SMAP2: variants seen among roughly 807,000 people sequenced by gnomAD.
SMAP2 encodes small ArfGAP2.
In SMAP2, 25 loss-of-function variants were observed where a neutral mutation model predicts 56.4. That is an observed-to-expected ratio of 0.44 (90% CI 0.32 to 0.62). SMAP2 has a LOEUF of 0.62. Among genes scored for constraint, SMAP2 ranks in the 20% least tolerant of loss-of-function variants. The pLI is 0.04. For missense variants in SMAP2, 388 were observed against 545.6 expected (o/e 0.71, Z 2.88); for synonymous variants, 157 against 181.7 (o/e 0.86, Z 1.09).
At chr1:40,357,484 A>G (rs986607316) in intron 1 of SMAP2, among the ~76,000 whole-genome samples, 1 of 151,982 alleles carries the variant, frequency 6.6e-6, no homozygotes, top group Non-Finnish European at 1.5e-5. Context: ...AAAAAAAAAA[A>G]AAGAAGGAAA....
rs141715570 is a variant in SMAP2 at position 40,349,036 on chromosome 1, C to T, written c.-83+4126C>T. On this transcript the variant is annotated intron_variant, in intron 1 of 6. Coordinates refer to the SMAP2 transcript ENST00000435168. ...CCACCTGCCTCGGCCTCCCAAAGTG[C>T]TGGGATTACGGGCGTAAGCCACCAT... is the stretch of plus-strand genomic sequence containing the variant. Among the ~76,000 whole-genome samples the T allele has an allele frequency of 9.4e-3, 1,434 of 152,302 alleles. 16 individuals carry two copies. Among genetic ancestry groups the T allele is most frequent in the African/African-American group, 0.033 (1,369 of 41,558 alleles).
intron 1 of SMAP2, 110 bp from the exon 2 acceptor site, chr1:40,406,626 A>G: frequency 7.9e-7 from 1 of 1,258,246 alleles, no homozygotes; most frequent in Non-Finnish European, 1.1e-6. Context: ...TGGTTATGGT[A>G]AAAATTATTT....
chr1:40,358,751 G>A (rs3013465), intron 1 of SMAP2, among the ~76,000 whole-genome samples: 27,178 of 152,172 alleles, frequency 0.18, 3,381 homozygotes, highest in African/African-American at 0.35. Context: ...GATTTTTAGT[G>A]CAGATTAAGT....
At chr1:40,350,693 C>T (rs1049279908) in intron 1 of SMAP2, among the ~76,000 whole-genome samples, 4 of 152,114 alleles carry the variant, frequency 2.6e-5, no homozygotes, top group African/African-American at 9.7e-5. Flanking sequence ...CTAGCAAGGG[C>T]CTCTTGTGTC....
chr1:40,356,087 T>C (rs1644434035), intron 1 of SMAP2, among the ~76,000 whole-genome samples: 1 of 152,218 alleles, frequency 6.6e-6, no homozygotes, highest in African/African-American at 2.4e-5. Flanking sequence ...CATGTGAAGT[T>C]TGTCTTTCTG....
At chr1:40,348,373 T>C (rs1644397664) in intron 1 of SMAP2, among the ~76,000 whole-genome samples, 1 of 152,100 alleles carries the variant, frequency 6.6e-6, no homozygotes, top group Admixed American at 6.6e-5. Context: ...CAGGGAGTAT[T>C]AAAAGTCTTT....
At chr1:40,406,050 A>G (rs1033871664) in intron 1 of SMAP2, among the ~76,000 whole-genome samples, 3 of 152,164 alleles carry the variant, frequency 2.0e-5, no homozygotes, top group African/African-American at 7.2e-5. Context: ...CACAGTTTCA[A>G]TTACAGGTTG....
chr1:40,410,666 G>T (rs987675503), intron 4 of SMAP2, among the ~76,000 whole-genome samples: 1 of 152,188 alleles, frequency 6.6e-6, no homozygotes, highest in Admixed American at 6.5e-5. Context: ...GCTACCAGTT[G>T]CCAAGAACAC....
chr1:40,419,515 C>A (rs995472565), intron 9 of SMAP2, among the ~76,000 whole-genome samples: 2 of 152,172 alleles, frequency 1.3e-5, no homozygotes, highest in African/African-American at 4.8e-5. Context: ...AAACTCCTGA[C>A]CTCAGGTGAT....
chr1:40,410,483 C>T (rs1284534214), intron 4 of SMAP2, among the ~76,000 whole-genome samples: 2 of 151,776 alleles, frequency 1.3e-5, no homozygotes, highest in Non-Finnish European at 2.9e-5. Flanking sequence ...TATATACACA[C>T]ATATATACTT....
In SMAP2 at chr1:40,386,046, A is replaced by AG. The variant is rs1472735380; in HGVS notation, c.103+11828dup. Among the ~76,000 whole-genome samples, 2 of 152,194 alleles carry AG rather than the reference A, an allele frequency of 1.3e-5. No individual in the cohort carries two copies. The highest frequency in any genetic ancestry group is 4.8e-5 in the African/African-American group (2 of 41,448). On this transcript the variant is annotated intron_variant, in intron 1 of 9. Transcript: ENST00000372718. This position sits in a 1 kb window ranked among gnomAD's most constrained non-coding sequence, Gnocchi z 4.1. Reference sequence around the variant, plus strand: ...TGCTGTAGTGTAAAGCTTGTAGAGAAGGGGGCATTGGTGTCTTTTTGTTGT... The same window carrying AG: ...TGCTGTAGTGTAAAGCTTGTAGAGAAGGGGGGCATTGGTGTCTTTTTGTTGT...
chr1:40,378,187 C>T (rs1195383036), intron 1 of SMAP2, among the ~76,000 whole-genome samples: 1 of 152,016 alleles, frequency 6.6e-6, no homozygotes, highest in Non-Finnish European at 1.5e-5. Context: ...TGCAGTGGTG[C>T]GATTATAGCT....
At chr1:40,354,034 C>A (rs1181638612) in intron 1 of SMAP2, among the ~76,000 whole-genome samples, 1 of 152,102 alleles carries the variant, frequency 6.6e-6, no homozygotes, top group African/African-American at 2.4e-5. Context: ...GTGTTGATGG[C>A]CTTGTCCAGA....
rs1445306112 is a variant in SMAP2, at chr1:40,386,204, AGT to A, written c.103+11985_103+11986del. On this transcript the variant is annotated intron_variant, in intron 1 of 9. Transcript: ENST00000372718. The surrounding 1 kb of genome is among the most constrained non-coding windows in gnomAD (Gnocchi z 4.1). ...AGCAGAGCTGACGGAAACCAATTTG[AGT>A]GTGACAGCTGATTTGAGAAAGAATG... is the stretch of plus-strand genomic sequence containing the variant. Among the ~76,000 whole-genome samples the A allele has an allele frequency of 6.6e-6, 1 of 152,198 alleles. No individual in the cohort carries two copies. The highest frequency in any genetic ancestry group is 1.5e-5 in the Non-Finnish European group (1 of 68,036).
At chr1:40,421,521 G>A (rs986265132) in intron 9 of SMAP2, among the ~76,000 whole-genome samples, 38 of 150,856 alleles carry the variant, frequency 2.5e-4, no homozygotes, top group African/African-American at 9.3e-4. Context: ...TCCCCCTTGT[G>A]CAAACGAGCA....
rs538652654 is a variant in SMAP2, at chr1:40,349,741, G to C, written c.-83+4831G>C. 8.5e-5 allele frequency among the ~76,000 whole-genome samples: 13 copies of C among 152,146 alleles called. No individual in the cohort carries two copies. In the East Asian group the frequency reaches 2.5e-3, roughly 29 times the overall value. On this transcript the variant is annotated intron_variant, in intron 1 of 6. Coordinates refer to the SMAP2 transcript ENST00000435168. ...TCACCATGTTGGCCAGGATGGTCTG[G>C]ATCTCTTGACCTTGTGATCTGCCTG...
intron 1 of SMAP2, chr1:40,345,037 T>C (rs1644379863): frequency 6.6e-6 from 1 of 152,082 alleles, no homozygotes; most frequent in Non-Finnish European, 1.5e-5. Context: ...TTCTTTTCTA[T>C]TGATGCAAAA....
At chr1:40,376,686 T>TA (rs1242555730) in intron 1 of SMAP2, among the ~76,000 whole-genome samples, 1 of 152,170 alleles carries the variant, frequency 6.6e-6, no homozygotes, top group Non-Finnish European at 1.5e-5. Flanking sequence ...TTAGCGCTGA[T>TA]AAAAAATACA....
Position 40,396,934 on chromosome 1 carries a change from T to G in SMAP2, c.104-9802T>G. 3 of 836,660 alleles carry G rather than the reference T, an allele frequency of 3.6e-6. 1 individual carries two copies. The South Asian group carries it at 1.6e-4, about 46-fold the overall frequency. 51.8% of individuals were successfully genotyped at this position (836,660 alleles called of 1,614,324 possible). ...GTTCTTAAAACAAATACTGCTGCTTTTTTTACTTTGACTTCCAAATTTTGG... is the reference window on the plus strand; with the variant it reads ...GTTCTTAAAACAAATACTGCTGCTTGTTTTACTTTGACTTCCAAATTTTGG... On this transcript the variant is annotated intron_variant, in intron 1 of 9. Coordinates refer to ENST00000372718, the MANE Select transcript of SMAP2 (RefSeq NM_022733.3).
Sources: gnomAD v4.1 joint callset for allele counts (sites outside exome capture counted in the v4.1 genomes callset) on GRCh38, gnomAD v4.1.1 for gene constraint, Gnocchi (gnomAD v3.1) non-coding constraint, MANE v1.5 for transcripts, NCBI Gene and HGNC (gene_info 2026-07-23, HGNC 2026-07-21) for gene names.